The following TRHDE variants were observed in gnomAD, a reference collection of about 807,000 sequenced individuals.
The protein encoded by TRHDE is thyrotropin releasing hormone degrading enzyme, also known as thyrotropin-releasing hormone-degrading ectoenzyme.
Under a neutral mutation model 125.7 loss-of-function variants are expected in TRHDE, and 72 were observed. The ratio of observed to expected loss-of-function variants is 0.57; its 90% CI spans 0.47 to 0.70. The LOEUF (loss-of-function observed/expected upper bound fraction) is 0.70, where lower values mean the gene tolerates loss of function less well. Ranked by LOEUF, TRHDE falls within the 30% of genes least tolerant of loss-of-function variation. TRHDE has a pLI of 0.00. For synonymous variants in TRHDE, 509 were observed against 509.1 expected (o/e 1.00, Z 0.00); for missense variants, 1,110 against 1,327.1 (o/e 0.84, Z 2.54).
chr12:72,332,759 C>G (rs1392567988), intron 2 of TRHDE, among the ~76,000 whole-genome samples: 4 of 152,194 alleles, frequency 2.6e-5, no homozygotes, highest in Non-Finnish European at 4.4e-5. Flanking sequence ...TCTCAGAGAC[C>G]TTACAATGGA....
In TRHDE at chr12:72,609,020, G is replaced by A. The variant is rs562178348; in HGVS notation, c.2322-9871G>A. On this transcript the variant is annotated intron_variant, in intron 12 of 18. Transcript: ENST00000261180. ...ATTGTTTAAAGGATTTAGTCACATA[G>A]TGTATGCAAAGCATTAGCACAGGGA... Among the ~76,000 whole-genome samples, 170 of 152,276 alleles carry A rather than the reference G, an allele frequency of 1.1e-3. 1 individual carries two copies. The Middle Eastern group carries it at 0.014, about 12-fold the overall frequency.
Position 72,096,134 on chromosome 12 carries a change from TAC to T in TRHDE, n.174+8727_174+8728del, listed in dbSNP as rs144560604. 6.1e-3 allele frequency among the ~76,000 whole-genome samples: 886 copies of T among 145,182 alleles called. 10 individuals are homozygous for T. Among genetic ancestry groups the T allele is most frequent in the African/African-American group, 0.021 (812 of 39,100 alleles). On this transcript the variant is annotated intron_variant and non_coding_transcript_variant, in intron 1 of 4. Coordinates refer to the TRHDE transcript ENST00000548156. ...TAAGATAAATCTTTTCTTATGTGTA[TAC>T]ACACACACACACACACACACACACA...
chr12:72,216,682 ATT>A (rs1328483654), intron 2 of TRHDE, among the ~76,000 whole-genome samples: 3 of 152,188 alleles, frequency 2.0e-5, no homozygotes, highest in Non-Finnish European at 4.4e-5. Flanking sequence ...ATGCTGATTG[ATT>A]TGTTGTGTCA....
Position 72,562,204 on chromosome 12 carries a change from A to C in TRHDE, c.1828A>C (p.Asn610His). 6.4e-7 allele frequency: 1 copy of C among 1,562,858 alleles called. No homozygotes were observed. Among genetic ancestry groups the C allele is most frequent in the Non-Finnish European group, 8.8e-7 (1 of 1,138,620 alleles). The change falls in exon 8 of 19, where the codon AAT (asparagine) becomes CAT (histidine). Residue 610 changes from asparagine (N) to histidine (H), a missense_variant. Transcript: ENST00000261180. ...TCATAAGTATGGTAATGCAGCCAGA[A>C]ATGATCTCTGGAATACATTATCGGA... ...TIHKYGNAARNDLWNTLSEAL... is the reference protein window; with the variant it reads ...TIHKYGNAARHDLWNTLSEAL...
chr12:72,625,385 C>A (rs1418954260), intron 15 of TRHDE, among the ~76,000 whole-genome samples: 1 of 151,520 alleles, frequency 6.6e-6, no homozygotes, highest in African/African-American at 2.4e-5. Flanking sequence ...TAAAAAAATA[C>A]CCTGAAACAA....
At chr12:72,283,802 A>G (rs1232030248) in intron 1 of TRHDE, among the ~76,000 whole-genome samples, 7 of 152,016 alleles carry the variant, frequency 4.6e-5, no homozygotes, top group African/African-American at 1.7e-4. Flanking sequence ...CTTAAAGGCT[A>G]ATTCATTCTA....
intron 12 of TRHDE, chr12:72,582,249 G>A (rs766541752): frequency 2.7e-4 from 262 of 982,356 alleles, no homozygotes; most frequent in Non-Finnish European, 3.1e-4. Flanking sequence ...AGATATATTA[G>A]AAGCCTGGGA....
At chr12:72,243,316 T>C (rs1878517745) in intron 2 of TRHDE, among the ~76,000 whole-genome samples, 1 of 152,192 alleles carries the variant, frequency 6.6e-6, no homozygotes, top group Non-Finnish European at 1.5e-5. Context: ...AAGTTTCTTG[T>C]TTTTAAATCT....
At chr12:72,226,654 G>A (rs2139371729) in intron 2 of TRHDE, among the ~76,000 whole-genome samples, 1 of 152,240 alleles carries the variant, frequency 6.6e-6, no homozygotes, top group Admixed American at 6.5e-5. Flanking sequence ...TTGACTTACT[G>A]CAATGAAGAA....
chr12:72,380,747 C>CTTCCTTCCTTCT (rs1872117357), intron 3 of TRHDE, among the ~76,000 whole-genome samples: 2 of 95,826 alleles, frequency 2.1e-5, no homozygotes, highest in African/African-American at 1.3e-4. Flanking sequence ...TCCTTCCTTC[C>CTTCCTTCCTTCT]TTCCTTCCTT....
intron 3 of TRHDE, among the ~76,000 whole-genome samples, chr12:72,410,873 A>C (rs1318610065): frequency 6.6e-6 from 1 of 151,186 alleles, no homozygotes; most frequent in Non-Finnish European, 1.5e-5. Context: ...AAGCAGATAA[A>C]AAAAAAAAAA....
At chr12:72,292,608 A>G (rs1014914727) in intron 2 of TRHDE, among the ~76,000 whole-genome samples, 4 of 152,182 alleles carry the variant, frequency 2.6e-5, no homozygotes, top group Non-Finnish European at 5.9e-5. Flanking sequence ...TTTGTCTACT[A>G]CATAACAAAG....
intron 1 of TRHDE, among the ~76,000 whole-genome samples, chr12:72,087,907 C>T (rs987884173): frequency 1.3e-5 from 2 of 152,082 alleles, no homozygotes; most frequent in East Asian, 1.9e-4. Flanking sequence ...AGGAGTAGGA[C>T]TGCAGGATCT....
At chr12:72,313,099 T>C (rs1868625698) in intron 2 of TRHDE, among the ~76,000 whole-genome samples, 1 of 152,162 alleles carries the variant, frequency 6.6e-6, no homozygotes, top group African/African-American at 2.4e-5. Flanking sequence ...ATTAGGTTTA[T>C]GATTTCATTA....
In TRHDE at chr12:72,089,199, C is replaced by T. The variant is rs546747700; in HGVS notation, n.174+1760C>T. On this transcript the variant is annotated intron_variant and non_coding_transcript_variant, in intron 1 of 4. Transcript: ENST00000548156. ...TATCCTAAAACCAGCCACTTCTCAC[C>T]ACTTTTGTTGCTGCCATCCTGATCT... Among the ~76,000 whole-genome samples the T allele has an allele frequency of 2.0e-5, 3 of 152,272 alleles. No homozygotes were observed. In the South Asian group the frequency reaches 6.2e-4, roughly 32 times the overall value.
chr12:72,614,471 G>A (rs971020906), intron 12 of TRHDE, among the ~76,000 whole-genome samples: 27 of 151,432 alleles, frequency 1.8e-4, no homozygotes, highest in African/African-American at 6.3e-4. Context: ...CCCACAAAGA[G>A]CATATAAAGT....
At chr12:72,564,653 A>ATTTTTTTTTTTTTTTTTTTTTTTTTTTTT (rs538823843) in intron 9 of TRHDE, among the ~76,000 whole-genome samples, 1 of 54,276 alleles carries the variant, frequency 1.8e-5, no homozygotes, top group Non-Finnish European at 3.3e-5. Flanking sequence ...ATGCGTATGA[A>ATTTTTTTTTTTTTTTTTTTTTTTTTTTTT]TTTTTTTTTT....
At chr12:72,184,386 C>T (rs1172448897) in intron 2 of TRHDE, among the ~76,000 whole-genome samples, 2 of 152,064 alleles carry the variant, frequency 1.3e-5, no homozygotes, top group East Asian at 1.9e-4. Flanking sequence ...TCTGACCCTC[C>T]CCTCCCCGCT....
chr12:72,615,716 AAAG>A lies in TRHDE; in HGVS notation c.2322-3171_2322-3169del, dbSNP rs1388300192. The stretch of plus-strand genomic sequence containing the variant: ...TCTTACTCTATTCGAGGTCTGCATT[AAAG>A]AAGCTTAACTGCTGTTAAAAAATAT... On this transcript the variant is annotated intron_variant, in intron 12 of 18. Coordinates refer to ENST00000261180, the MANE Select transcript of TRHDE (RefSeq NM_013381.3). Among the ~76,000 whole-genome samples, 6 of 152,228 alleles carry A rather than the reference AAAG, an allele frequency of 3.9e-5. No individual in the cohort carries two copies. The East Asian group carries it at 7.7e-4, about 20-fold the overall frequency.
Sources: gnomAD v4.1 joint callset for allele counts (sites outside exome capture counted in the v4.1 genomes callset) on GRCh38, gnomAD v4.1.1 for gene constraint, MANE v1.5 for transcripts, NCBI Gene and HGNC (gene_info 2026-07-23, HGNC 2026-07-21) for gene names.